The following USP54 variants were observed in gnomAD, a reference collection of about 807,000 sequenced individuals.
USP54 encodes the protein ubiquitin specific peptidase 54.
USP54 carries 87 observed loss-of-function variants against 170.5 expected under a neutral mutation model. The ratio of observed to expected loss-of-function variants is 0.51; its 90% confidence interval spans 0.43 to 0.61. The LOEUF (loss-of-function observed/expected upper bound fraction) is 0.61, where lower values mean the gene tolerates loss of function less well. USP54 is among the 20% of genes least tolerant of loss of function. The pLI, the probability that USP54 is intolerant of heterozygous loss-of-function variation, is 0.00. For synonymous variants in USP54, 655 were observed against 742.8 expected (o/e 0.88, Z 1.92); for missense variants, 1,786 against 2,047.8 (o/e 0.87, Z 2.47).
At chr10:73,523,493 G>T (rs774358616) in intron 17 of USP54, 90 bp downstream of exon 17, 160 of 1,417,720 alleles carry the variant, frequency 1.1e-4, no homozygotes, top group Admixed American at 1.8e-4. Flanking sequence ...TTTTGCTAAA[G>T]AGAAGACAGG....
At chr10:73,537,344 A>C (rs1223535245) in intron 10 of USP54, among the ~76,000 whole-genome samples, 2 of 152,326 alleles carry the variant, frequency 1.3e-5, no homozygotes, top group East Asian at 3.9e-4. Context: ...GAAAAGAATA[A>C]GGGAATTTGA....
At position 73,575,608 on chromosome 10, in the gene USP54, C is replaced by A. The variant is rs1369628997; in HGVS notation, c.51G>T (p.Gly17=). 2 of 1,613,646 alleles carry A rather than the reference C, an allele frequency of 1.2e-6. No homozygotes were observed. Among genetic ancestry groups the A allele is most frequent in the East Asian group, 4.5e-5 (2 of 44,874 alleles). Residue 17 remains glycine, a synonymous_variant, in exon 3 of 24, where the codon GGG becomes GGT. Transcript: ENST00000687698. ...YFSGGRGSVQ[G]MFAPRSSTSI... is the part of the protein sequence containing the mutation. Reference sequence around the variant, plus strand: ...AGGTTGAGCTTCGAGGTGCAAACATCCCTTGTACACTACCACGACCCCCTG... The same window carrying A: ...AGGTTGAGCTTCGAGGTGCAAACATACCTTGTACACTACCACGACCCCCTG...
In USP54 at chr10:73,529,429, G is replaced by A. The variant is rs970834508; in HGVS notation, c.2060+251C>T. 22 of 496,918 alleles carry A rather than the reference G, an allele frequency of 4.4e-5. No individual in the cohort carries two copies. In the East Asian group the frequency reaches 8.2e-4, roughly 19 times the overall value. The allele number at this position is 496,918 out of a possible 1,614,324, so 30.8% of individuals were successfully genotyped here. A position where few individuals can be genotyped will look rare whatever the true frequency, so the allele number is the denominator to read the frequency against. On this transcript the variant is annotated intron_variant, in intron 15 of 23. Coordinates refer to ENST00000687698, the MANE Select transcript of USP54 (RefSeq NM_001391956.1). ...TTTATCCTAACAAACCTGCACATAT[G>A]CCCCCTGAACCTAATTTTTTAAAAT... is the stretch of plus-strand genomic sequence containing the variant.
intron 3 of USP54, among the ~76,000 whole-genome samples, chr10:73,574,380 C>T (rs896087984): frequency 2.0e-5 from 3 of 152,018 alleles, no homozygotes; most frequent in African/African-American, 7.2e-5. Context: ...GGGCCAAAAG[C>T]CTGAATATTA....
intron 3 of USP54, among the ~76,000 whole-genome samples, chr10:73,573,915 C>T (rs1361767125): frequency 6.6e-6 from 1 of 152,208 alleles, no homozygotes; most frequent in East Asian, 1.9e-4. Flanking sequence ...AAAACTACAA[C>T]CCAGGTCTCC....
chr10:73,544,564 A>G (rs1393079064), intron 5 of USP54, among the ~76,000 whole-genome samples: 1 of 152,190 alleles, frequency 6.6e-6, no homozygotes, highest in Non-Finnish European at 1.5e-5. Flanking sequence ...TAGCTTTTTA[A>G]GAAACTGCCA....
At chr10:73,527,903 T>C (rs2063228961) in intron 15 of USP54, among the ~76,000 whole-genome samples, 1 of 151,706 alleles carries the variant, frequency 6.6e-6, no homozygotes, top group Non-Finnish European at 1.5e-5. Flanking sequence ...TTGGGCTTCT[T>C]CTCTGATTTT....
intron 1 of USP54, among the ~76,000 whole-genome samples, chr10:73,588,325 T>C (rs866411941): frequency 2.0e-5 from 3 of 152,056 alleles, no homozygotes; most frequent in Non-Finnish European, 4.4e-5. Flanking sequence ...ACTCAAGCAA[T>C]TCTCCTGTCT....
rs147979213 is a variant in USP54, at chr10:73,505,516, G to A, written c.4052-90C>T. 1.7e-5 allele frequency: 17 copies of A among 987,942 alleles called. 1 individual carries two copies. The highest frequency in any genetic ancestry group is 1.6e-4 in the South Asian group (10 of 63,968). The allele number at this position is 987,942 out of a possible 1,614,324, so 61.2% of individuals were successfully genotyped here. A position where few individuals can be genotyped will look rare whatever the true frequency, so the allele number is the denominator to read the frequency against. ...TAGCAGCACAAACTCAGGAGCTGTTGTTTCATTTAATAATAAATATGCATC... is the reference window on the plus strand; with the variant it reads ...TAGCAGCACAAACTCAGGAGCTGTTATTTCATTTAATAATAAATATGCATC... On this transcript the variant is annotated intron_variant, in intron 20 of 23. Transcript: ENST00000687698.
At chr10:73,541,267 T>C (rs767309039) in intron 9 of USP54, 108 bp downstream of exon 9, 1 of 1,487,800 alleles carries the variant, frequency 6.7e-7, no homozygotes, top group Non-Finnish European at 9.1e-7. Context: ...TCCAAAACAT[T>C]ATAATACTTG....
chr10:73,598,877 G>A (rs1421611465), intron 1 of USP54, among the ~76,000 whole-genome samples: 3 of 152,092 alleles, frequency 2.0e-5, no homozygotes, highest in Non-Finnish European at 4.4e-5. Flanking sequence ...CCAACAGAGC[G>A]CCACTGCACT....
chr10:73,535,093 T>C (rs1166062194), intron 11 of USP54, among the ~76,000 whole-genome samples: 20 of 152,142 alleles, frequency 1.3e-4, no homozygotes, highest in Admixed American at 1.3e-3. Flanking sequence ...GTAAGATCTA[T>C]TTAGATGGAA....
Position 73,529,815 on chromosome 10 carries a change from C to T in USP54, c.1925G>A (p.Arg642Gln), listed in dbSNP as rs372860097. Residue 642 changes from arginine to glutamine, a missense_variant, in exon 15 of 24, where the codon CGG (arginine) becomes CAG (glutamine). This residue lies in a region of USP54 where 1,418 missense variants were observed against 1,569.0 expected (regional missense o/e 0.90). Coordinates refer to ENST00000687698, the MANE Select transcript of USP54 (RefSeq NM_001391956.1). Reference protein sequence around the residue: ...SPQYKRWGPARPGSHLLEQHP... With the variant: ...SPQYKRWGPAQPGSHLLEQHP... ...CTGCTCTAAAAGGTGAGAGCCTGGC[C>T]GTGCTGGGCCCCAGCGCTTGTACTG... is the stretch of plus-strand genomic sequence containing the variant. The T allele has an allele frequency of 1.4e-5, 23 of 1,611,736 alleles. No individual in the cohort carries two copies. The East Asian group carries it at 4.5e-4, about 31-fold the overall frequency.
At chr10:73,612,716 C>T (rs2080244777) in intron 1 of USP54, among the ~76,000 whole-genome samples, 1 of 151,696 alleles carries the variant, frequency 6.6e-6, no homozygotes, top group African/African-American at 2.4e-5. Context: ...GTGGTGCATG[C>T]CTGTACCCCA....
chr10:73,556,536 G>A (rs539728570), intron 4 of USP54, among the ~76,000 whole-genome samples: 1 of 151,762 alleles, frequency 6.6e-6, no homozygotes, highest in Non-Finnish European at 1.5e-5. Flanking sequence ...AGTAGAGACA[G>A]GGTTTCACCA....
At chr10:73,621,730 GA>G (rs1335557119) in intron 1 of USP54, among the ~76,000 whole-genome samples, 9 of 152,124 alleles carry the variant, frequency 5.9e-5, no homozygotes, top group Middle Eastern at 3.4e-3. Context: ...TCACTTGCTG[GA>G]AGCTTACAAA....
At chr10:73,548,240 G>A (rs2068324092) in intron 4 of USP54, among the ~76,000 whole-genome samples, 3 of 152,178 alleles carry the variant, frequency 2.0e-5, no homozygotes, top group Non-Finnish European at 2.9e-5. Flanking sequence ...AACAGATGCT[G>A]GAGAGGATGT....
chr10:73,604,178 G>A (rs1382170686), intron 1 of USP54, among the ~76,000 whole-genome samples: 6 of 151,804 alleles, frequency 4.0e-5, no homozygotes, highest in South Asian at 2.1e-4. Context: ...GAACCCAGGA[G>A]GCAGAGGTTG....
chr10:73,530,221 T>A lies in USP54; in HGVS notation c.1750A>T (p.Asn584Tyr), dbSNP rs1218724581. The A allele has an allele frequency of 6.2e-7, 1 of 1,614,036 alleles. No individual in the cohort carries two copies. The highest frequency in any genetic ancestry group is 2.2e-5 in the East Asian group (1 of 44,896). The change falls in exon 14 of 24, where the codon AAT (asparagine) becomes TAT (tyrosine). Residue 584 changes from asparagine (N) to tyrosine (Y), a missense_variant. Asn to Tyr is a moderately radical substitution (Grantham distance 143). Coordinates refer to ENST00000687698, the MANE Select transcript of USP54 (RefSeq NM_001391956.1). ...PTWRPKRESL[N>Y]IDSIFSKDKR... ...TCCTTACTAAAGATACTGTCAATAT[T>A]CAGAGATTCTCGTTTGGGTCTCCAT...
Sources: allele counts gnomAD v4.1 joint callset (sites outside exome capture counted in the v4.1 genomes callset), GRCh38; gene constraint gnomAD v4.1.1; regional missense constraint gnomAD v4.1.1; transcripts MANE v1.5; gene names NCBI Gene and HGNC (gene_info 2026-07-23, HGNC 2026-07-21).